The following FAM184B variants were observed in gnomAD, a reference collection of about 807,000 sequenced individuals.
FAM184B encodes the protein protein FAM184B.
FAM184B carries 111 observed loss-of-function variants against 135.9 expected under a neutral mutation model. That is an observed-to-expected ratio of 0.82 (90% CI 0.70 to 0.96). The LOEUF (loss-of-function observed/expected upper bound fraction) is 0.96. FAM184B is among the 40% of genes least tolerant of loss of function. FAM184B has a pLI of 0.00. For missense variants in FAM184B, 1,375 were observed against 1,323.9 expected, an observed-to-expected ratio of 1.04 and a Z score of -0.60; for synonymous variants, 552 against 524.8, an observed-to-expected ratio of 1.05 and a Z score of -0.71.
chr4:17,639,263 C>T lies in FAM184B; in HGVS notation c.2653G>A (p.Ala885Thr). The T allele has an allele frequency of 6.4e-7, 1 of 1,551,672 alleles. No homozygotes were observed. Among genetic ancestry groups the T allele is most frequent in the Non-Finnish European group, 8.7e-7 (1 of 1,146,992 alleles). Residue 885 changes from alanine to threonine, a missense_variant, in exon 14 of 18, where the codon GCC becomes ACC. Ala to Thr is a moderately conservative substitution (Grantham distance 58). Transcript: ENST00000265018. ...GGCCTCACTTACTCGGCTTCCAGGG[C>T]AGCCAGCCGGGCCTGGAGCTGGGCC... Reference protein sequence around the residue: ...AQAQLQARLAALEAELKDSGE... With the variant: ...AQAQLQARLATLEAELKDSGE...
At chr4:17,688,006 A>C (rs1449815994) in intron 7 of FAM184B, among the ~76,000 whole-genome samples, 1 of 152,188 alleles carries the variant, frequency 6.6e-6, no homozygotes, top group Admixed American at 6.5e-5. Flanking sequence ...CGGCAGGTTC[A>C]CGGACAAGGG....
Position 17,630,718 on chromosome 4 carries a change from C to T in FAM184B, c.*1814G>A, listed in dbSNP as rs925830637. On this transcript the variant is annotated 3_prime_UTR_variant, in exon 18 of 18. Coordinates refer to ENST00000265018, the MANE Select transcript of FAM184B (RefSeq NM_015688.2). ...TGCATTTAAAAATGCATTGGAGCCTCGTTTTGATTAGGCAGTAAATTTACC... is the reference window on the plus strand; with the variant it reads ...TGCATTTAAAAATGCATTGGAGCCTTGTTTTGATTAGGCAGTAAATTTACC... 2.6e-5 allele frequency: 4 copies of T among 151,082 alleles called. No homozygotes were observed. The highest frequency in any genetic ancestry group is 7.3e-5 in the African/African-American group (3 of 41,050). 9.4% of individuals were successfully genotyped at this position (151,082 alleles called of 1,614,324 possible).
intron 7 of FAM184B, among the ~76,000 whole-genome samples, chr4:17,667,175 G>T (rs1376137821): frequency 6.6e-6 from 1 of 151,970 alleles, no homozygotes; most frequent in African/African-American, 2.4e-5. Context: ...GCCTAGGCTG[G>T]TCTCAAACTC....
At chr4:17,678,647 C>T (rs546263164) in intron 7 of FAM184B, among the ~76,000 whole-genome samples, 1 of 152,114 alleles carries the variant, frequency 6.6e-6, no homozygotes, top group Non-Finnish European at 1.5e-5. Flanking sequence ...CAAAATATTG[C>T]CATCATTCTT....
intron 14 of FAM184B, 44 bp downstream of exon 14, chr4:17,639,206 G>A: frequency 6.5e-7 from 1 of 1,541,060 alleles, no homozygotes; most frequent in South Asian, 1.2e-5. Context: ...CCTACTGAAT[G>A]GTACATTTGC....
chr4:17,753,987 G>A (rs1560193682), intron 1 of FAM184B, among the ~76,000 whole-genome samples: 1 of 152,126 alleles, frequency 6.6e-6, no homozygotes, highest in Non-Finnish European at 1.5e-5. Context: ...CTTGGCCTAA[G>A]GGCAGGATTT....
At chr4:17,775,157 C>T (rs1271540055) in intron 1 of FAM184B, among the ~76,000 whole-genome samples, 2 of 151,484 alleles carry the variant, frequency 1.3e-5, no homozygotes, top group Non-Finnish European at 1.5e-5. Flanking sequence ...CCACCATGCC[C>T]AGCTAATTTT....
chr4:17,724,461 G>A (rs190915698), intron 1 of FAM184B, among the ~76,000 whole-genome samples: 2 of 152,316 alleles, frequency 1.3e-5, no homozygotes, highest in Non-Finnish European at 2.9e-5. Context: ...CTCCCTTGAG[G>A]GATTTGGCTC....
In FAM184B at chr4:17,675,667, G is replaced by A. The variant is rs4596235; in HGVS notation, c.1597-11008C>T. On this transcript the variant is annotated intron_variant, in intron 7 of 17. Coordinates refer to ENST00000265018, the MANE Select transcript of FAM184B (RefSeq NM_015688.2). Reference sequence around the variant, plus strand: ...TCTACATTGAAAATCTGTTGTTTAAGTTAGCCGTTTTCATCAATGATCTTA... The same window carrying A: ...TCTACATTGAAAATCTGTTGTTTAAATTAGCCGTTTTCATCAATGATCTTA... 6.8e-3 allele frequency among the ~76,000 whole-genome samples: 1,032 copies of A among 152,306 alleles called. 4 individuals are homozygous for A. Among genetic ancestry groups the A allele is most frequent in the Non-Finnish European group, 0.011 (754 of 68,032 alleles).
At position 17,630,834 on chromosome 4, in the gene FAM184B, T is replaced by C. The variant is rs1577236582; in HGVS notation, c.*1698A>G. On this transcript the variant is annotated 3_prime_UTR_variant, in exon 18 of 18. Transcript: ENST00000265018. ...GTTAATGTGAACTGAACTTTCTATTTCTAAGCTGTCTTCATCTAATTTTAC... is the reference window on the plus strand; with the variant it reads ...GTTAATGTGAACTGAACTTTCTATTCCTAAGCTGTCTTCATCTAATTTTAC... 6.6e-6 allele frequency: 1 copy of C among 152,162 alleles called. No homozygotes were observed. Among genetic ancestry groups the C allele is most frequent in the South Asian group, 2.1e-4 (1 of 4,834 alleles). 9.4% of individuals were successfully genotyped at this position (152,162 alleles called of 1,614,324 possible).
chr4:17,734,587 C>T lies in FAM184B; in HGVS notation c.142-24943G>A, dbSNP rs189316627. Among the ~76,000 whole-genome samples the T allele has an allele frequency of 3.3e-5, 5 of 151,952 alleles. No individual in the cohort carries two copies. In the East Asian group the frequency reaches 9.7e-4, roughly 29 times the overall value. ...CAAAAAACACATGCAAAAATGCTCA[C>T]CATCACTGGCCATCAGAGAAATGCA... is the stretch of plus-strand genomic sequence containing the variant. On this transcript the variant is annotated intron_variant, in intron 1 of 17. Transcript: ENST00000265018.
chr4:17,639,457 C>A (rs1715245059), intron 13 of FAM184B, 61 bp from the exon 14 acceptor site: 1 of 1,534,444 alleles, frequency 6.5e-7, no homozygotes, highest in African/African-American at 1.4e-5. Flanking sequence ...CCCTTGGGCT[C>A]TGGGGTTTAT....
At chr4:17,762,019 ATTTTGTTTTG>A (rs112668227) in intron 1 of FAM184B, among the ~76,000 whole-genome samples, 1,555 of 147,276 alleles carry the variant, frequency 0.011, 31 homozygotes, top group African/African-American at 0.038. Flanking sequence ...AGGGCTCTTC[ATTTTGTTTTG>A]TTTTGTTTTG....
At chr4:17,767,520 G>C (rs1718727530) in intron 1 of FAM184B, among the ~76,000 whole-genome samples, 1 of 152,220 alleles carries the variant, frequency 6.6e-6, no homozygotes. Flanking sequence ...AGTTTTAAAG[G>C]TTTAGGAGAA....
In FAM184B at chr4:17,630,473, GC is replaced by G. The variant is rs979179608; in HGVS notation, c.*2058del. 1.1e-4 allele frequency: 16 copies of G among 152,254 alleles called. No individual in the cohort carries two copies. The highest frequency in any genetic ancestry group is 3.4e-4 in the African/African-American group (14 of 41,550). 9.4% of individuals were successfully genotyped at this position (152,254 alleles called of 1,614,324 possible). Reference sequence around the variant, plus strand: ...GCAGGCACCCATTTCTGAAGAATGGGCCCTCCCCAGACTCCATATCTGCTGG... The same window carrying G: ...GCAGGCACCCATTTCTGAAGAATGGGCCTCCCCAGACTCCATATCTGCTGG... On this transcript the variant is annotated 3_prime_UTR_variant, in exon 18 of 18. Transcript: ENST00000265018.
Position 17,630,814 on chromosome 4 carries a change from T to C in FAM184B, c.*1718A>G, listed in dbSNP as rs939019504. 1.3e-5 allele frequency: 2 copies of C among 152,086 alleles called. No individual in the cohort carries two copies. Among genetic ancestry groups the C allele is most frequent in the African/African-American group, 4.8e-5 (2 of 41,408 alleles). The allele number at this position is 152,086 out of a possible 1,614,324, so 9.4% of individuals were successfully genotyped here. On this transcript the variant is annotated 3_prime_UTR_variant, in exon 18 of 18. Transcript: ENST00000265018. The stretch of plus-strand genomic sequence containing the variant: ...TTTAAGATGGTGTGATTGAGGTTAA[T>C]GTGAACTGAACTTTCTATTTCTAAG...
chr4:17,751,967 T>G (rs1196055551), intron 1 of FAM184B, among the ~76,000 whole-genome samples: 1 of 135,920 alleles, frequency 7.4e-6, no homozygotes, highest in African/African-American at 2.8e-5. Flanking sequence ...ACAGGAAAGA[T>G]CAGGAAAAAA....
At chr4:17,746,437 G>C (rs1577287301) in intron 1 of FAM184B, among the ~76,000 whole-genome samples, 1 of 152,030 alleles carries the variant, frequency 6.6e-6, no homozygotes, top group African/African-American at 2.4e-5. Flanking sequence ...GCTTAAAAAA[G>C]TAGATTCCTT....
At chr4:17,724,778 A>T (rs527845664) in intron 1 of FAM184B, among the ~76,000 whole-genome samples, 1 of 152,310 alleles carries the variant, frequency 6.6e-6, no homozygotes, top group East Asian at 1.9e-4. Context: ...CGGTAAGAAG[A>T]TTTGGCTTTG....
Sources: allele counts gnomAD v4.1 joint callset (sites outside exome capture counted in the v4.1 genomes callset), GRCh38; gene constraint gnomAD v4.1.1; transcripts MANE v1.5; gene names NCBI Gene and HGNC (gene_info 2026-07-23, HGNC 2026-07-21).